ZDHHC14: variants seen among roughly 807,000 people sequenced by gnomAD.
The protein encoded by ZDHHC14 is palmitoyltransferase ZDHHC14.
A neutral mutation model predicts 47.7 loss-of-function variants in ZDHHC14; 16 were observed. The observed-to-expected ratio is 0.34, with a 90% CI of 0.23 to 0.51. The LOEUF is 0.51. Among genes scored for constraint, ZDHHC14 ranks in the 20% least tolerant of loss-of-function variants. ZDHHC14 has a pLI of 0.97. For missense variants in ZDHHC14, 515 were observed against 662.5 expected (o/e 0.78, Z 2.44); for synonymous variants, 293 against 278.9 (o/e 1.05, Z -0.50).
At chr6:157,500,882 T>C (rs1206106781) in intron 1 of ZDHHC14, among the ~76,000 whole-genome samples, 1 of 152,218 alleles carries the variant, frequency 6.6e-6, no homozygotes, top group Non-Finnish European at 1.5e-5. Flanking sequence ...AAAACCCTTT[T>C]CTCAGTAACC....
chr6:157,670,253 G>T (rs1275278081), intron 8 of ZDHHC14, among the ~76,000 whole-genome samples: 1 of 152,188 alleles, frequency 6.6e-6, no homozygotes, highest in African/African-American at 2.4e-5. Context: ...GAGTGGAAAG[G>T]ATTGTTAACG....
intron 2 of ZDHHC14, among the ~76,000 whole-genome samples, chr6:157,547,180 G>A (rs1036180920): frequency 2.0e-5 from 3 of 152,228 alleles, no homozygotes; most frequent in African/African-American, 4.8e-5. Flanking sequence ...GTGTGTGCAC[G>A]CACGTGCACG....
chr6:157,484,560 T>C (rs1309987277), intron 1 of ZDHHC14, among the ~76,000 whole-genome samples: 3 of 150,562 alleles, frequency 2.0e-5, no homozygotes, highest in Non-Finnish European at 3.0e-5. Flanking sequence ...AAAAAAAAAT[T>C]CTTCATTTTT....
chr6:157,601,140 G>T (rs957192240), intron 3 of ZDHHC14, among the ~76,000 whole-genome samples: 1 of 152,182 alleles, frequency 6.6e-6, no homozygotes, highest in Non-Finnish European at 1.5e-5. Flanking sequence ...TTGAAAGTCC[G>T]TCATTTCTGG....
intron 1 of ZDHHC14, among the ~76,000 whole-genome samples, chr6:157,409,976 A>G (rs1777841909): frequency 6.6e-6 from 1 of 152,004 alleles, no homozygotes; most frequent in Non-Finnish European, 1.5e-5. Flanking sequence ...CTACAGGCAC[A>G]TGCCACCATC....
chr6:157,647,449 T>C (rs616538), intron 7 of ZDHHC14, 81 bp downstream of exon 7: 757,800 of 1,073,656 alleles, frequency 0.71, 269,671 homozygotes, highest in African/African-American at 0.87. Flanking sequence ...CCGCCCGCCC[T>C]GGTGGAATGG....
chr6:157,613,165 C>T (rs551988264), intron 3 of ZDHHC14, among the ~76,000 whole-genome samples: 5 of 152,298 alleles, frequency 3.3e-5, no homozygotes, highest in African/African-American at 4.8e-5. Context: ...CAACAGATAT[C>T]GGAGGGCCTC....
chr6:157,555,832 G>A (rs765704850), intron 2 of ZDHHC14, among the ~76,000 whole-genome samples: 38 of 152,100 alleles, frequency 2.5e-4, no homozygotes, highest in Non-Finnish European at 5.3e-4. Flanking sequence ...ATTATCTCCC[G>A]ACATTGCCAA....
chr6:157,556,927 G>A (rs533511555), intron 2 of ZDHHC14, among the ~76,000 whole-genome samples: 13 of 152,292 alleles, frequency 8.5e-5, no homozygotes, highest in Non-Finnish European at 1.6e-4. Context: ...TGAGGGGCTC[G>A]GGTTAGAGAT....
chr6:157,381,277 C>T lies in ZDHHC14; in HGVS notation c.-745C>T. 6.6e-6 allele frequency: 1 copy of T among 151,040 alleles called. No individual in the cohort carries two copies. The highest frequency in any genetic ancestry group is 1.5e-5 in the Non-Finnish European group (1 of 68,242). 9.4% of individuals were successfully genotyped at this position (151,040 alleles called of 1,614,324 possible). A position where few individuals can be genotyped will look rare whatever the true frequency, so the allele number is the denominator to read the frequency against. ...CTCCGGGTAGGAGGGAGCAAGGGAG[C>T]CCTCGCCGCGCGGCCCGCGAGCCGC... On this transcript the variant is annotated 5_prime_UTR_variant, in exon 1 of 9. Transcript: ENST00000359775.
chr6:157,670,756 C>T (rs1390542025), intron 8 of ZDHHC14, among the ~76,000 whole-genome samples: 1 of 142,580 alleles, frequency 7.0e-6, no homozygotes, highest in African/African-American at 3.1e-5. Flanking sequence ...CAAGGATCTT[C>T]GTGAGACTTG....
Position 157,542,818 on chromosome 6 carries a change from C to T in ZDHHC14, c.406+73C>T, listed in dbSNP as rs112560360. On this transcript the variant is annotated intron_variant, in intron 2 of 8. Coordinates refer to ENST00000359775, the MANE Select transcript of ZDHHC14 (RefSeq NM_024630.3). ...CCCAGCTACAGTGGGGACGGCAGGC[C>T]GAGGGCTGTGCAGGAGGAGCTGAGC... The T allele has an allele frequency of 4.1e-4, 625 of 1,535,802 alleles. 4 individuals are homozygous for T. The African/African-American group carries it at 7.5e-3, about 18-fold the overall frequency.
chr6:157,429,213 G>C (rs763921143), intron 1 of ZDHHC14, among the ~76,000 whole-genome samples: 1 of 152,216 alleles, frequency 6.6e-6, no homozygotes, highest in African/African-American at 2.4e-5. Context: ...TTCCCACTGA[G>C]AGGTGTAATC....
At chr6:157,443,027 C>A (rs146431056) in intron 1 of ZDHHC14, among the ~76,000 whole-genome samples, 1 of 152,258 alleles carries the variant, frequency 6.6e-6, no homozygotes, top group Non-Finnish European at 1.5e-5. Context: ...CCCACCCAAA[C>A]CTCAGATTGA....
intron 1 of ZDHHC14, among the ~76,000 whole-genome samples, chr6:157,400,380 G>T (rs150891162): frequency 0.012 from 1,771 of 152,262 alleles, 15 homozygotes; most frequent in Non-Finnish European, 0.016. Flanking sequence ...GCTGCACCCT[G>T]TACCTCCAAA....
chr6:157,645,135 G>A (rs1185271837), intron 5 of ZDHHC14, among the ~76,000 whole-genome samples: 1 of 151,968 alleles, frequency 6.6e-6, no homozygotes, highest in Non-Finnish European at 1.5e-5. Context: ...ACGTCACTCC[G>A]AGAAATCCCA....
intron 2 of ZDHHC14, among the ~76,000 whole-genome samples, chr6:157,551,755 T>C (rs969634300): frequency 1.6e-4 from 24 of 152,208 alleles, no homozygotes; most frequent in African/African-American, 5.5e-4. Context: ...TAGCTACAAG[T>C]TCCTCTACTT....
intron 1 of ZDHHC14, among the ~76,000 whole-genome samples, chr6:157,465,112 T>TG (rs1779178611): frequency 6.9e-6 from 1 of 145,576 alleles, no homozygotes; most frequent in South Asian, 2.1e-4. Context: ...CTCCTTTTTT[T>TG]TTTTTTTTTT....
At chr6:157,492,005 C>G (rs34668715) in intron 1 of ZDHHC14, among the ~76,000 whole-genome samples, 56,795 of 152,166 alleles carry the variant, frequency 0.37, 11,759 homozygotes, top group African/African-American at 0.56. Flanking sequence ...CCAGGGAAGC[C>G]GGGGCTCCCC....
Sources: allele counts gnomAD v4.1 joint callset (sites outside exome capture counted in the v4.1 genomes callset), GRCh38; gene constraint gnomAD v4.1.1; transcripts MANE v1.5; gene names NCBI Gene and HGNC (gene_info 2026-07-23, HGNC 2026-07-21).